Variants in FNBP1 observed in about 807,000 individuals in gnomAD.
The protein encoded by FNBP1 is formin-binding protein 1.
In FNBP1, 26 loss-of-function variants were observed where a neutral mutation model predicts 90.6. That is an observed-to-expected ratio of 0.29 (90% CI 0.21 to 0.40). FNBP1 has a LOEUF of 0.40. FNBP1 is among the 10% of genes least tolerant of loss of function. The pLI, the probability that FNBP1 is intolerant of heterozygous loss-of-function variation, is 1.00. For missense variants in FNBP1, 635 were observed against 768.0 expected (o/e 0.83, Z 2.05); for synonymous variants, 260 against 265.2 (o/e 0.98, Z 0.19).
At chr9:129,929,460 AAGACTC>A (rs2042401265) in intron 7 of FNBP1, 101 bp downstream of exon 7, 3 of 994,034 alleles carry the variant, frequency 3.0e-6, no homozygotes, top group East Asian at 2.5e-5. Flanking sequence ...GAATTATATA[AAGACTC>A]AGACTCAGAA....
At chr9:129,973,704 C>T (rs1292010913) in intron 4 of FNBP1, among the ~76,000 whole-genome samples, 1 of 150,572 alleles carries the variant, frequency 6.6e-6, no homozygotes, top group Admixed American at 6.6e-5. Flanking sequence ...CGGGTTTCAC[C>T]ATGTTGGCCA....
intron 6 of FNBP1, among the ~76,000 whole-genome samples, chr9:129,939,126 CGCCTATAATCCCA>C (rs1313510874): frequency 6.6e-6 from 1 of 152,134 alleles, no homozygotes; most frequent in Non-Finnish European, 1.5e-5. Flanking sequence ...CAGTGGCTCA[CGCCTATAATCCCA>C]GCACTTTGGG....
intron 11 of FNBP1, among the ~76,000 whole-genome samples, chr9:129,910,585 T>A (rs1286472516): frequency 6.6e-6 from 1 of 151,696 alleles, no homozygotes; most frequent in Non-Finnish European, 1.5e-5. Flanking sequence ...CCCTCAATTC[T>A]TTTGAAACAA....
chr9:129,899,101 A>C (rs1451963629), intron 15 of FNBP1, among the ~76,000 whole-genome samples: 1 of 150,278 alleles, frequency 6.7e-6, no homozygotes, highest in Non-Finnish European at 1.5e-5. Context: ...TTTTTGAGAC[A>C]GAGTCTCGTT....
chr9:130,010,839 A>G (rs2056458883), intron 1 of FNBP1, among the ~76,000 whole-genome samples: 2 of 150,758 alleles, frequency 1.3e-5, no homozygotes, highest in African/African-American at 4.9e-5. Context: ...CTCTCAGCCA[A>G]GCTCTGTACT....
rs72063140 is a variant in FNBP1 at position 130,007,239 on chromosome 9, CAAAA to C, written c.25-12285_25-12282del. 2.9e-4 allele frequency among the ~76,000 whole-genome samples: 22 copies of C among 77,024 alleles called. 1 individual carries two copies. The East Asian group carries it at 5.3e-3, about 19-fold the overall frequency. 50.5% of individuals were successfully genotyped at this position (77,024 alleles called of 152,430 possible). ...CCTGGGCAACAGAGTGAGATCCTGT[CAAAA>C]AAAAAAAAAAAAAAGAAAAAAAAAA... On this transcript the variant is annotated intron_variant, in intron 1 of 16. Transcript: ENST00000446176.
intron 1 of FNBP1, among the ~76,000 whole-genome samples, chr9:130,000,015 T>C (rs1304007443): frequency 1.3e-5 from 2 of 152,200 alleles, no homozygotes; most frequent in Non-Finnish European, 2.9e-5. Context: ...GACATTCTCC[T>C]TTGATACCAC....
intron 1 of FNBP1, among the ~76,000 whole-genome samples, chr9:130,027,022 C>T (rs1185439885): frequency 1.3e-5 from 2 of 151,106 alleles, no homozygotes; most frequent in Non-Finnish European, 2.9e-5. Context: ...AACAACACTT[C>T]TGAAGTAGAT....
chr9:129,980,654 T>C (rs1347032451), intron 2 of FNBP1, among the ~76,000 whole-genome samples: 1 of 104,484 alleles, frequency 9.6e-6, no homozygotes, highest in Non-Finnish European at 1.8e-5. Flanking sequence ...ACACAAAAAC[T>C]AAGAGGTAAT....
At chr9:129,895,595 C>A in intron 16 of FNBP1, 1 of 1,238,918 alleles carries the variant, frequency 8.1e-7, no homozygotes, top group East Asian at 3.1e-5. Context: ...TGTAAGTTGG[C>A]GGTTGGCAGC....
intron 1 of FNBP1, among the ~76,000 whole-genome samples, chr9:130,017,953 G>A (rs1258766417): frequency 2.7e-5 from 3 of 112,056 alleles, no homozygotes; most frequent in East Asian, 2.8e-4. Flanking sequence ...TCACTCTGTC[G>A]CCCAGGCTGG....
intron 15 of FNBP1, among the ~76,000 whole-genome samples, chr9:129,898,126 G>A (rs1450912286): frequency 2.0e-5 from 3 of 151,978 alleles, no homozygotes; most frequent in Non-Finnish European, 4.4e-5. Flanking sequence ...CACCATGCCC[G>A]GCCTGGGCTA....
chr9:129,926,354 T>G (rs1373797949), intron 8 of FNBP1, among the ~76,000 whole-genome samples: 1 of 152,210 alleles, frequency 6.6e-6, no homozygotes, highest in East Asian at 1.9e-4. Context: ...TATATTTTTT[T>G]GAGAAATAGG....
intron 1 of FNBP1, among the ~76,000 whole-genome samples, chr9:130,022,608 A>G (rs1325960231): frequency 2.0e-5 from 3 of 152,254 alleles, no homozygotes; most frequent in African/African-American, 7.2e-5. Context: ...CAAAGTATAG[A>G]ACATCAACAC....
upstream of FNBP1, among the ~76,000 whole-genome samples, chr9:130,043,928 C>A (rs1023443237): frequency 6.6e-6 from 1 of 152,258 alleles, no homozygotes; most frequent in African/African-American, 2.4e-5. Context: ...CGGAGGCGGA[C>A]AATTGCTCCA....
intron 4 of FNBP1, among the ~76,000 whole-genome samples, chr9:129,971,134 G>A (rs1446307728): frequency 6.6e-6 from 1 of 150,856 alleles, no homozygotes; most frequent in Non-Finnish European, 1.5e-5. Flanking sequence ...CTTTTGATAT[G>A]CCCACCTCCG....
rs1020941400 is a variant in FNBP1 at position 129,900,577 on chromosome 9, C to T, written c.1429-30G>A. ...AGACAAAAGCAATGAGAGACTCCAA[C>T]CTAAGGCCATCTGAGGGTCAGCCCA... is the stretch of plus-strand genomic sequence containing the variant. On this transcript the variant is annotated intron_variant, in intron 13 of 16. Transcript: ENST00000446176. The surrounding 1 kb of genome is among the most constrained non-coding windows in gnomAD (Gnocchi z 4.1). The T allele has an allele frequency of 6.7e-6, 10 of 1,490,340 alleles. No individual in the cohort carries two copies. Among genetic ancestry groups the T allele is most frequent in the South Asian group, 1.4e-5 (1 of 72,898 alleles). The allele number at this position is 1,490,340 out of a possible 1,614,324, so 92.3% of individuals were successfully genotyped here.
chr9:130,052,437 A>AT, the FNBP1 span, among the ~76,000 whole-genome samples: 38 of 148,850 alleles, frequency 2.6e-4, no homozygotes, highest in East Asian at 1.2e-3. Flanking sequence ...TTCTTACCTG[A>AT]TTTTTTTTTT....
chr9:129,992,513 AAAC>A (rs889766601), intron 2 of FNBP1, among the ~76,000 whole-genome samples: 3 of 151,660 alleles, frequency 2.0e-5, no homozygotes, highest in African/African-American at 4.8e-5. Context: ...CAGCTTGCTG[AAAC>A]AACAACAGAA....
Sources: allele counts gnomAD v4.1 joint callset (sites outside exome capture counted in the v4.1 genomes callset), GRCh38; gene constraint gnomAD v4.1.1; non-coding constraint Gnocchi (gnomAD v3.1); transcripts MANE v1.5; gene names NCBI Gene and HGNC (gene_info 2026-07-23, HGNC 2026-07-21).